The following HECW1 variants were observed in gnomAD, a reference collection of about 807,000 sequenced individuals.
The protein encoded by HECW1 is E3 ubiquitin-protein ligase HECW1.
A neutral mutation model predicts 182.3 loss-of-function variants in HECW1; 61 were observed. That is an observed-to-expected ratio of 0.33 (90% CI 0.27 to 0.41). HECW1 has a LOEUF of 0.41. Ranked by LOEUF, HECW1 falls within the 10% of genes least tolerant of loss-of-function variation. The pLI is 1.00. For missense variants in HECW1, 1,739 were observed against 2,108.9 expected (o/e 0.82, Z 3.44); for synonymous variants, 859 against 832.6 (o/e 1.03, Z -0.55).
Position 43,426,131 on chromosome 7 carries a change from G to C in HECW1, c.802-11872G>C, listed in dbSNP as rs1400883121. Among the ~76,000 whole-genome samples the C allele has an allele frequency of 5.9e-5, 9 of 152,196 alleles. No homozygotes were observed. The East Asian group carries it at 1.7e-3, about 29-fold the overall frequency. On this transcript the variant is annotated intron_variant, in intron 8 of 29. Coordinates refer to ENST00000395891, the MANE Select transcript of HECW1 (RefSeq NM_015052.5). Reference sequence around the variant, plus strand: ...TGGCCCCAATTATTGACCAATCATGGGGCACTTAATGACCTGAGTTTTCCT... The same window carrying C: ...TGGCCCCAATTATTGACCAATCATGCGGCACTTAATGACCTGAGTTTTCCT...
intron 21 of HECW1, among the ~76,000 whole-genome samples, chr7:43,502,441 G>A (rs933794655): frequency 3.9e-5 from 6 of 152,138 alleles, no homozygotes; most frequent in African/African-American, 1.2e-4. Flanking sequence ...CGGATCACTT[G>A]AGCCCAAGAG....
chr7:43,248,629 T>C (rs187828922), intron 3 of HECW1: 5 of 153,040 alleles, frequency 3.3e-5, no homozygotes, highest in Admixed American at 2.0e-4. Context: ...TCTACACTTA[T>C]TGATTTGGAA....
chr7:43,372,585 A>G (rs1171080431), intron 6 of HECW1, among the ~76,000 whole-genome samples: 1 of 152,154 alleles, frequency 6.6e-6, no homozygotes, highest in Non-Finnish European at 1.5e-5. Flanking sequence ...TTTTAAAAAA[A>G]TCACAGGAAT....
rs140849002 is a variant in HECW1 at position 43,216,086 on chromosome 7, G to A, written c.-31-27789G>A. ...CTGTCTGTCATTTTATATGGTCTTT[G>A]TTTTATAAGATGAAAGCTGAGTCTG... On this transcript the variant is annotated intron_variant, in intron 2 of 29. Coordinates refer to ENST00000395891, the MANE Select transcript of HECW1 (RefSeq NM_015052.5). Among the ~76,000 whole-genome samples, 18 of 152,244 alleles carry A rather than the reference G, an allele frequency of 1.2e-4. 2 individuals carry two copies. The East Asian group carries it at 3.5e-3, about 29-fold the overall frequency.
At chr7:43,477,750 C>G (rs570219702) in intron 16 of HECW1, among the ~76,000 whole-genome samples, 3 of 152,124 alleles carry the variant, frequency 2.0e-5, no homozygotes, top group Admixed American at 2.0e-4. Context: ...AAACCACTTC[C>G]TGTATGAGTT....
In HECW1 at chr7:43,468,978, G is replaced by A. The variant is rs776220318; in HGVS notation, c.2972G>A (p.Arg991Gln). Reference protein sequence around the residue: ...TCLKHMILKVRRDARNFERYQ... With the variant: ...TCLKHMILKVQRDARNFERYQ... ...TTAAAGCACATGATTCTGAAAGTCCGACGGGATGCTCGCAATTTTGAACGC... is the reference window on the plus strand; with the variant it reads ...TTAAAGCACATGATTCTGAAAGTCCAACGGGATGCTCGCAATTTTGAACGC... Residue 991 changes from arginine (R) to glutamine (Q), a missense_variant, in exon 16 of 30, where the codon CGA (arginine) becomes CAA (glutamine). This residue lies in a region of HECW1 where 971 missense variants were observed against 1,029.1 expected (regional missense o/e 0.94). Transcript: ENST00000395891. The A allele has an allele frequency of 5.6e-6, 9 of 1,614,078 alleles. No homozygotes were observed. The highest frequency in any genetic ancestry group is 4.5e-5 in the East Asian group (2 of 44,890).
chr7:43,163,468 T>C (rs1376941304), intron 2 of HECW1, among the ~76,000 whole-genome samples: 1 of 152,172 alleles, frequency 6.6e-6, no homozygotes, highest in Non-Finnish European at 1.5e-5. Context: ...GGAGGCAGGC[T>C]CTGCTTCTGG....
chr7:43,467,339 A>G (rs573343624), intron 15 of HECW1, among the ~76,000 whole-genome samples: 3 of 152,038 alleles, frequency 2.0e-5, no homozygotes, highest in African/African-American at 7.2e-5. Context: ...AGTGGACAGG[A>G]AGAAGTCCAG....
intron 3 of HECW1, among the ~76,000 whole-genome samples, chr7:43,278,912 G>A (rs779593168): frequency 1.1e-4 from 16 of 152,098 alleles, no homozygotes; most frequent in Non-Finnish European, 2.1e-4. Flanking sequence ...CTTGTTTGTA[G>A]TCTCCTCCCC....
intron 8 of HECW1, among the ~76,000 whole-genome samples, chr7:43,415,478 A>T (rs2075961523): frequency 1.3e-5 from 2 of 151,534 alleles, no homozygotes; most frequent in Admixed American, 6.6e-5. Flanking sequence ...CCTTCATTTC[A>T]ACTTTGGTGA....
chr7:43,114,471 T>G (rs1784887043), intron 2 of HECW1, 80 bp downstream of exon 2: 2 of 1,183,194 alleles, frequency 1.7e-6, no homozygotes, highest in South Asian at 2.8e-5. Context: ...ATGCCCACCC[T>G]GGTATGAATG....
chr7:43,558,745 G>A (rs1227206833), intron 29 of HECW1, among the ~76,000 whole-genome samples: 2 of 152,140 alleles, frequency 1.3e-5, no homozygotes, highest in Non-Finnish European at 2.9e-5. Context: ...CCATCAGGGA[G>A]CTCAGCAGAG....
chr7:43,175,347 G>C (rs1278910028), intron 2 of HECW1, among the ~76,000 whole-genome samples: 1 of 152,062 alleles, frequency 6.6e-6, no homozygotes, highest in African/African-American at 2.4e-5. Flanking sequence ...TTGTACAATA[G>C]GTCTGAACTT....
At chr7:43,197,973 T>TCTTTCCTGCCATTGCCCCTAGGTCATC (rs1794624016) in intron 2 of HECW1, among the ~76,000 whole-genome samples, 1 of 151,848 alleles carries the variant, frequency 6.6e-6, no homozygotes, top group African/African-American at 2.4e-5. Flanking sequence ...ACAACCCACA[T>TCTTTCCTGCCATTGCCCCTAGGTCATC]CTTTCCTGCC....
intron 6 of HECW1, among the ~76,000 whole-genome samples, chr7:43,381,839 A>T (rs936015152): frequency 3.3e-5 from 5 of 151,886 alleles, no homozygotes; most frequent in African/African-American, 9.7e-5. Flanking sequence ...TTTTTTAAAA[A>T]TTTTTTTAGA....
chr7:43,382,551 C>CA (rs1039217162), intron 6 of HECW1, among the ~76,000 whole-genome samples: 1 of 152,128 alleles, frequency 6.6e-6, no homozygotes, highest in Non-Finnish European at 1.5e-5. Flanking sequence ...CTGGAAAGTG[C>CA]AAAAAATAAC....
chr7:43,234,941 CT>C lies in HECW1; in HGVS notation c.-31-8931del, dbSNP rs1798191769. ...TGAAATAAATGCTGAATAAGGTCGCCTTTCATGACTATCTGGGTCCCTGTGC... is the reference window on the plus strand; with the variant it reads ...TGAAATAAATGCTGAATAAGGTCGCCTTCATGACTATCTGGGTCCCTGTGC... On this transcript the variant is annotated intron_variant, in intron 2 of 29. Coordinates refer to ENST00000395891, the MANE Select transcript of HECW1 (RefSeq NM_015052.5). Among the ~76,000 whole-genome samples the C allele has an allele frequency of 2.6e-5, 4 of 152,336 alleles. No homozygotes were observed. The South Asian group carries it at 8.3e-4, about 32-fold the overall frequency.
intron 2 of HECW1, among the ~76,000 whole-genome samples, chr7:43,201,162 C>T (rs1294688132): frequency 1.3e-5 from 2 of 152,186 alleles, no homozygotes; most frequent in Admixed American, 6.5e-5. Context: ...CCTTGGTGTT[C>T]CTTTTCATCA....
intron 13 of HECW1, among the ~76,000 whole-genome samples, chr7:43,457,370 A>G (rs1468757484): frequency 1.3e-5 from 2 of 152,254 alleles, no homozygotes; most frequent in East Asian, 1.9e-4. Context: ...GAAAGACGAA[A>G]AAGAATGAAG....
Sources: allele counts gnomAD v4.1 joint callset (sites outside exome capture counted in the v4.1 genomes callset), GRCh38; gene constraint gnomAD v4.1.1; regional missense constraint gnomAD v4.1.1; transcripts MANE v1.5; gene names NCBI Gene and HGNC (gene_info 2026-07-23, HGNC 2026-07-21).